The following NELL1 variants were observed in gnomAD, a reference collection of about 807,000 sequenced individuals.
The protein encoded by NELL1 is protein kinase C-binding protein NELL1.
In NELL1, 76 loss-of-function variants were observed where a neutral mutation model predicts 107.4. The ratio of observed to expected loss-of-function variants is 0.71; its 90% confidence interval spans 0.59 to 0.86. NELL1 has a LOEUF of 0.86. Among genes scored for constraint, NELL1 ranks in the 40% least tolerant of loss-of-function variants. The probability of loss-of-function intolerance (pLI) is 0.00; values close to 1 mark genes in which losing one functional copy is unlikely to be tolerated. For synonymous variants in NELL1, 353 were observed against 341.2 expected, an observed-to-expected ratio of 1.03 and a Z score of -0.38; for missense variants, 1,024 against 1,005.5, an observed-to-expected ratio of 1.02 and a Z score of -0.25.
At chr11:21,060,459 G>T (rs913932146) in intron 12 of NELL1, among the ~76,000 whole-genome samples, 4 of 152,096 alleles carry the variant, frequency 2.6e-5, no homozygotes, top group Non-Finnish European at 5.9e-5. Flanking sequence ...TATTATGGGG[G>T]ATTGTCTTTG....
At chr11:20,832,218 GTTC>G (rs1858026454) in intron 3 of NELL1, among the ~76,000 whole-genome samples, 2 of 152,170 alleles carry the variant, frequency 1.3e-5, no homozygotes, top group Non-Finnish European at 1.5e-5. Flanking sequence ...CCTAAGCACT[GTTC>G]TTCTTAGTGA....
intron 12 of NELL1, among the ~76,000 whole-genome samples, chr11:21,081,273 T>C (rs1338652514): frequency 6.6e-6 from 1 of 152,154 alleles, no homozygotes; most frequent in Non-Finnish European, 1.5e-5. Flanking sequence ...ATTCTATTGT[T>C]TCCCTTGCCA....
chr11:20,810,121 C>A (rs565176540), intron 3 of NELL1, among the ~76,000 whole-genome samples: 1 of 149,932 alleles, frequency 6.7e-6, no homozygotes, highest in South Asian at 2.1e-4. Flanking sequence ...TTTTTTTTTT[C>A]ATATATCTGT....
chr11:21,502,826 A>C (rs1390944226), intron 15 of NELL1, among the ~76,000 whole-genome samples: 1 of 152,196 alleles, frequency 6.6e-6, no homozygotes, highest in Non-Finnish European at 1.5e-5. Flanking sequence ...ATTACTGTAC[A>C]TAAAGTTTAT....
At chr11:21,417,841 T>C (rs1852556159) in intron 15 of NELL1, among the ~76,000 whole-genome samples, 1 of 152,058 alleles carries the variant, frequency 6.6e-6, no homozygotes, top group South Asian at 2.1e-4. Flanking sequence ...CCTTTACCCA[T>C]GGTGTTTTCT....
intron 5 of NELL1, among the ~76,000 whole-genome samples, chr11:20,898,800 T>C (rs1849809079): frequency 6.6e-6 from 1 of 152,050 alleles, no homozygotes; most frequent in African/African-American, 2.4e-5. Context: ...TGATTCCATA[T>C]TTTTGCTTTC....
intron 4 of NELL1, among the ~76,000 whole-genome samples, chr11:20,868,986 G>A (rs1301645168): frequency 1.3e-5 from 2 of 152,156 alleles, no homozygotes; most frequent in Admixed American, 1.3e-4. Context: ...AAGTGTTGGT[G>A]TATTATATAG....
chr11:21,130,583 A>G (rs1187779587), intron 13 of NELL1, among the ~76,000 whole-genome samples: 2 of 152,196 alleles, frequency 1.3e-5, no homozygotes, highest in African/African-American at 2.4e-5. Context: ...TCTCTAAGCA[A>G]CCAGGGAGTT....
chr11:21,047,300 G>A (rs1853380207), intron 12 of NELL1, among the ~76,000 whole-genome samples: 1 of 152,088 alleles, frequency 6.6e-6, no homozygotes, highest in Admixed American at 6.5e-5. Flanking sequence ...GCTCATGTTT[G>A]AAAAAATGAT....
chr11:21,089,730 G>C (rs1468690906), intron 12 of NELL1, among the ~76,000 whole-genome samples: 3 of 152,174 alleles, frequency 2.0e-5, no homozygotes, highest in African/African-American at 7.2e-5. Context: ...ATTCTATAGG[G>C]TGCGATTTTA....
At chr11:21,283,993 G>T (rs1217664796) in intron 14 of NELL1, 3 of 351,008 alleles carry the variant, frequency 8.5e-6, no homozygotes. Context: ...AACTTATGCT[G>T]CCTGTCAAGA....
At chr11:20,892,437 T>G (rs952844483) in intron 5 of NELL1, among the ~76,000 whole-genome samples, 1 of 152,090 alleles carries the variant, frequency 6.6e-6, no homozygotes, top group African/African-American at 2.4e-5. Flanking sequence ...AAACAATAGA[T>G]CCTATGTGAG....
intron 14 of NELL1, among the ~76,000 whole-genome samples, chr11:21,303,907 A>C (rs555902496): frequency 1.8e-4 from 27 of 152,060 alleles, no homozygotes; most frequent in African/African-American, 6.0e-4. Context: ...ACTGGAGGGG[A>C]TAATCACTGC....
Position 20,850,706 on chromosome 11 carries a change from C to T in NELL1, c.506+2953C>T, listed in dbSNP as rs1439089262. On this transcript the variant is annotated intron_variant, in intron 4 of 19. Coordinates refer to ENST00000357134, the MANE Select transcript of NELL1 (RefSeq NM_006157.5). Reference sequence around the variant, plus strand: ...TTTGTTCCTTTCTAATATTTCCCTGCCACATGTCTTATATTGCTAATCCTG... The same window carrying T: ...TTTGTTCCTTTCTAATATTTCCCTGTCACATGTCTTATATTGCTAATCCTG... Among the ~76,000 whole-genome samples, 4 of 152,098 alleles carry T rather than the reference C, an allele frequency of 2.6e-5. No homozygotes were observed. The South Asian group carries it at 6.2e-4, about 24-fold the overall frequency.
rs1049406657 is a variant in NELL1, at chr11:20,694,775, T to C, written c.184+16715T>C. Among the ~76,000 whole-genome samples the C allele has an allele frequency of 6.6e-5, 10 of 152,126 alleles. No homozygotes were observed. In the South Asian group the frequency reaches 1.4e-3, roughly 22 times the overall value. ...TTAAGATTGTTTTGGTTATGTCAGC[T>C]CTTTTTTGGATCCACATACATTTTA... is the stretch of plus-strand genomic sequence containing the variant. On this transcript the variant is annotated intron_variant, in intron 2 of 19. Transcript: ENST00000357134.
chr11:20,744,980 A>G (rs975573919), intron 2 of NELL1, among the ~76,000 whole-genome samples: 2 of 152,186 alleles, frequency 1.3e-5, no homozygotes, highest in African/African-American at 4.8e-5. Context: ...CCTTAGAGAC[A>G]TCTTTGAGGA....
At chr11:21,504,017 A>G (rs981500883) in intron 15 of NELL1, 8 of 152,332 alleles carry the variant, frequency 5.3e-5, no homozygotes, top group African/African-American at 1.4e-4. Flanking sequence ...GATTCTCAAC[A>G]GAGATTTTTC....
At chr11:21,368,847 A>G (rs1440137901) in intron 14 of NELL1, among the ~76,000 whole-genome samples, 1 of 152,070 alleles carries the variant, frequency 6.6e-6, no homozygotes, top group Non-Finnish European at 1.5e-5. Flanking sequence ...TTTATTTAAC[A>G]GGATATTTAT....
At chr11:21,573,859 T>C (rs1857160665) in intron 19 of NELL1, among the ~76,000 whole-genome samples, 1 of 151,412 alleles carries the variant, frequency 6.6e-6, no homozygotes, top group Non-Finnish European at 1.5e-5. Flanking sequence ...TTTATTAAAC[T>C]GTCAATGTTA....
Sources: gnomAD v4.1 joint callset for allele counts (sites outside exome capture counted in the v4.1 genomes callset) on GRCh38, gnomAD v4.1.1 for gene constraint, MANE v1.5 for transcripts, NCBI Gene and HGNC (gene_info 2026-07-23, HGNC 2026-07-21) for gene names.